Variants in PLCL1 observed in about 807,000 individuals in gnomAD.
PLCL1 encodes the protein inactive phospholipase C-like protein 1.
A neutral mutation model predicts 84.4 loss-of-function variants in PLCL1; 41 were observed. The observed-to-expected ratio is 0.49, with a 90% CI of 0.38 to 0.63. The LOEUF (loss-of-function observed/expected upper bound fraction) is 0.63, where lower values mean the gene tolerates loss of function less well. PLCL1 is among the 30% of genes least tolerant of loss of function. The probability of loss-of-function intolerance (pLI) is 0.00; values close to 1 mark genes in which losing one functional copy is unlikely to be tolerated. For synonymous variants in PLCL1, 490 were observed against 488.3 expected, an observed-to-expected ratio of 1.00 and a Z score of -0.05; for missense variants, 1,206 against 1,367.8, an observed-to-expected ratio of 0.88 and a Z score of 1.87.
chr2:197,860,168 C>T (rs897549716), intron 1 of PLCL1, among the ~76,000 whole-genome samples: 1 of 151,928 alleles, frequency 6.6e-6, no homozygotes, highest in Admixed American at 6.6e-5. Flanking sequence ...AGGATAATGT[C>T]TTCTAGCTCC....
intron 1 of PLCL1, among the ~76,000 whole-genome samples, chr2:197,864,566 G>A (rs540550980): frequency 6.7e-6 from 1 of 150,184 alleles, no homozygotes; most frequent in African/African-American, 2.5e-5. Flanking sequence ...CTGTACCCTC[G>A]ATCTCCTGGG....
chr2:197,906,977 G>A (rs1452839134), intron 1 of PLCL1, among the ~76,000 whole-genome samples: 1 of 152,094 alleles, frequency 6.6e-6, no homozygotes, highest in Admixed American at 6.6e-5. Context: ...AGATGCTGGG[G>A]TTTTCTAAAT....
intron 1 of PLCL1, among the ~76,000 whole-genome samples, chr2:198,078,874 T>G (rs1442736274): frequency 1.3e-5 from 2 of 152,146 alleles, no homozygotes; most frequent in African/African-American, 4.8e-5. Flanking sequence ...TTTCCCTGTG[T>G]GTTAAAATAT....
At chr2:197,852,472 A>C (rs1258880778) in intron 1 of PLCL1, among the ~76,000 whole-genome samples, 1 of 152,244 alleles carries the variant, frequency 6.6e-6, no homozygotes, top group Admixed American at 6.5e-5. Flanking sequence ...GAAGCACTTA[A>C]TATGCTCATT....
chr2:197,964,381 T>C (rs942981270), intron 1 of PLCL1, among the ~76,000 whole-genome samples: 1 of 152,256 alleles, frequency 6.6e-6, no homozygotes, highest in East Asian at 1.9e-4. Flanking sequence ...GATTGCTTCA[T>C]TGATTTATTT....
At chr2:198,120,287 C>T (rs913107621) in intron 5 of PLCL1, among the ~76,000 whole-genome samples, 5 of 151,966 alleles carry the variant, frequency 3.3e-5, no homozygotes, top group African/African-American at 9.7e-5. Flanking sequence ...AATTGGTTAT[C>T]CATCCCCTCA....
intron 1 of PLCL1, among the ~76,000 whole-genome samples, chr2:197,938,286 A>G (rs1386873952): frequency 6.6e-6 from 1 of 152,188 alleles, no homozygotes; most frequent in African/African-American, 2.4e-5. Context: ...GTCATACTGT[A>G]GTATTCCAAG....
chr2:198,137,854 G>A (rs1336387946), intron 5 of PLCL1, among the ~76,000 whole-genome samples: 3 of 152,098 alleles, frequency 2.0e-5, no homozygotes, highest in African/African-American at 7.2e-5. Context: ...TTCCGTAGGG[G>A]CAGGGATGAT....
chr2:198,062,493 G>A (rs1692227091), intron 1 of PLCL1, among the ~76,000 whole-genome samples: 1 of 152,056 alleles, frequency 6.6e-6, no homozygotes, highest in Non-Finnish European at 1.5e-5. Flanking sequence ...TTAAAGTGGT[G>A]ACTCCCTATT....
chr2:198,115,982 A>C (rs192990263), intron 5 of PLCL1, among the ~76,000 whole-genome samples: 2 of 147,908 alleles, frequency 1.4e-5, no homozygotes, highest in African/African-American at 4.9e-5. Flanking sequence ...AAATATACTT[A>C]TTAAATATAT....
At chr2:198,087,139 T>A (rs762394735) in intron 2 of PLCL1, among the ~76,000 whole-genome samples, 1 of 152,198 alleles carries the variant, frequency 6.6e-6, no homozygotes, top group Non-Finnish European at 1.5e-5. Context: ...CATGGGTTCT[T>A]GATCAAATCT....
At chr2:197,862,764 A>T (rs1018440855) in intron 1 of PLCL1, among the ~76,000 whole-genome samples, 1 of 152,118 alleles carries the variant, frequency 6.6e-6, no homozygotes, top group Non-Finnish European at 1.5e-5. Flanking sequence ...ATCTGGTGTG[A>T]GTCATGTGTC....
chr2:198,125,084 G>T (rs1186492751), intron 5 of PLCL1, among the ~76,000 whole-genome samples: 1 of 152,108 alleles, frequency 6.6e-6, no homozygotes, highest in Admixed American at 6.6e-5. Context: ...AATGCTATCT[G>T]GGCTCTAGAG....
At chr2:197,843,922 G>A (rs983726566) in intron 1 of PLCL1, among the ~76,000 whole-genome samples, 6 of 152,094 alleles carry the variant, frequency 3.9e-5, no homozygotes, top group Non-Finnish European at 7.4e-5. Flanking sequence ...ACCAGGCAGT[G>A]CGGCACCATA....
At chr2:197,829,616 T>C (rs1691013244) in intron 1 of PLCL1, among the ~76,000 whole-genome samples, 1 of 152,238 alleles carries the variant, frequency 6.6e-6, no homozygotes, top group African/African-American at 2.4e-5. Context: ...TAGTATTCAT[T>C]AGTTTCACCA....
chr2:198,119,937 C>A (rs992610736), intron 5 of PLCL1, among the ~76,000 whole-genome samples: 23 of 151,910 alleles, frequency 1.5e-4, no homozygotes, highest in African/African-American at 5.6e-4. Context: ...TATGTGACAC[C>A]AAAACCTGTC....
chr2:198,031,960 A>T (rs1691439182), intron 1 of PLCL1, among the ~76,000 whole-genome samples: 1 of 152,116 alleles, frequency 6.6e-6, no homozygotes, highest in Non-Finnish European at 1.5e-5. Context: ...GTACATATAG[A>T]TTTTTGTTAT....
At chr2:198,033,447 C>T (rs1045955354) in intron 1 of PLCL1, among the ~76,000 whole-genome samples, 6 of 152,108 alleles carry the variant, frequency 3.9e-5, no homozygotes, top group African/African-American at 7.2e-5. Flanking sequence ...ACCATGAAGA[C>T]GGAGATTGGG....
chr2:197,840,470 A>G (rs935333946), intron 1 of PLCL1, among the ~76,000 whole-genome samples: 1 of 152,042 alleles, frequency 6.6e-6, no homozygotes, highest in Non-Finnish European at 1.5e-5. Context: ...AGGCTTGTTC[A>G]CTAACTTCTC....
Sources: allele counts gnomAD v4.1 joint callset (sites outside exome capture counted in the v4.1 genomes callset), GRCh38; gene constraint gnomAD v4.1.1; transcripts MANE v1.5; gene names NCBI Gene and HGNC (gene_info 2026-07-23, HGNC 2026-07-21).